The following GPC5 variants were observed in gnomAD, a reference collection of about 807,000 sequenced individuals.
The protein encoded by GPC5 is glypican-5.
Under a neutral mutation model 53.9 loss-of-function variants are expected in GPC5, and 47 were observed. The ratio of observed to expected loss-of-function variants is 0.87; its 90% CI spans 0.69 to 1.11. GPC5 has a LOEUF of 1.11. Among genes scored for constraint, GPC5 ranks in the 50% most tolerant of loss-of-function variants. The probability of loss-of-function intolerance (pLI) is 0.00; values close to 1 mark genes in which losing one functional copy is unlikely to be tolerated. For missense variants in GPC5, 748 were observed against 713.1 expected (o/e 1.05, Z -0.56); for synonymous variants, 286 against 263.3 (o/e 1.09, Z -0.84).
chr13:92,175,005 A>C (rs1166850366), intron 7 of GPC5, among the ~76,000 whole-genome samples: 2 of 151,950 alleles, frequency 1.3e-5, no homozygotes, highest in East Asian at 3.9e-4. Flanking sequence ...ATGCGCCACC[A>C]CGTCCTGCTA....
intron 2 of GPC5, among the ~76,000 whole-genome samples, chr13:91,540,669 G>A (rs1052276196): frequency 3.3e-5 from 5 of 152,148 alleles, no homozygotes; most frequent in Non-Finnish European, 7.4e-5. Flanking sequence ...GTAAATAGAT[G>A]GACTTGGAAG....
intron 7 of GPC5, among the ~76,000 whole-genome samples, chr13:92,752,512 C>G (rs568844780): frequency 2.6e-5 from 4 of 152,102 alleles, no homozygotes; most frequent in Admixed American, 2.6e-4. Context: ...GGAATAGCTC[C>G]GGTCTACAGC....
intron 2 of GPC5, among the ~76,000 whole-genome samples, chr13:91,651,100 TA>T (rs2034698233): frequency 6.6e-6 from 1 of 152,134 alleles, no homozygotes; most frequent in South Asian, 2.1e-4. Context: ...ATAAAGGTTA[TA>T]AAAAGAGTTT....
intron 6 of GPC5, among the ~76,000 whole-genome samples, chr13:92,120,068 A>G (rs2041636179): frequency 6.6e-6 from 1 of 152,196 alleles, no homozygotes; most frequent in Non-Finnish European, 1.5e-5. Flanking sequence ...ATCAGACAGT[A>G]AATGCAGGTG....
At chr13:92,401,097 A>G (rs1875535382) in intron 7 of GPC5, among the ~76,000 whole-genome samples, 1 of 152,136 alleles carries the variant, frequency 6.6e-6, no homozygotes, top group African/African-American at 2.4e-5. Context: ...AGACCTGTAC[A>G]GTAGACTGTT....
At chr13:91,985,704 T>C (rs561564384) in intron 6 of GPC5, among the ~76,000 whole-genome samples, 6 of 152,168 alleles carry the variant, frequency 3.9e-5, no homozygotes, top group Non-Finnish European at 8.8e-5. Context: ...CCAAGAAACT[T>C]TCTACTACTT....
chr13:92,551,588 C>T (rs1287578079), intron 7 of GPC5, among the ~76,000 whole-genome samples: 1 of 151,768 alleles, frequency 6.6e-6, no homozygotes, highest in Non-Finnish European at 1.5e-5. Context: ...AAGAAGAAAG[C>T]AACCTGTTTT....
chr13:92,009,282 G>GTGTGTT (rs1347971975), intron 6 of GPC5, among the ~76,000 whole-genome samples: 2 of 150,306 alleles, frequency 1.3e-5, no homozygotes, highest in Non-Finnish European at 3.0e-5. Flanking sequence ...GTGTGTGTGT[G>GTGTGTT]TGTTTCAATA....
chr13:91,886,583 G>T (rs2039324815), intron 5 of GPC5, among the ~76,000 whole-genome samples: 1 of 152,202 alleles, frequency 6.6e-6, no homozygotes, highest in Non-Finnish European at 1.5e-5. Context: ...AAAACTGAAA[G>T]CAAGTTAGTT....
intron 7 of GPC5, among the ~76,000 whole-genome samples, chr13:92,637,349 G>A (rs973003101): frequency 6.6e-6 from 1 of 152,132 alleles, no homozygotes; most frequent in African/African-American, 2.4e-5. Flanking sequence ...TTCAGGGGAT[G>A]TACAGATTTA....
chr13:91,478,822 T>TACACACACAC (rs1194096313), intron 2 of GPC5, among the ~76,000 whole-genome samples: 2 of 92,176 alleles, frequency 2.2e-5, no homozygotes, highest in African/African-American at 1.0e-4. Context: ...TATATATATA[T>TACACACACAC]ACACACACAC....
chr13:91,783,256 A>G (rs896062160), intron 5 of GPC5, among the ~76,000 whole-genome samples: 1 of 151,730 alleles, frequency 6.6e-6, no homozygotes, highest in Non-Finnish European at 1.5e-5. Flanking sequence ...CTCCATCTCA[A>G]TAAATAAATA....
At chr13:92,007,794 CT>C (rs1230448847) in intron 6 of GPC5, among the ~76,000 whole-genome samples, 1 of 151,940 alleles carries the variant, frequency 6.6e-6, no homozygotes, top group Non-Finnish European at 1.5e-5. Flanking sequence ...TTTATTTTTA[CT>C]CTTTGTTTAT....
Position 92,831,604 on chromosome 13 carries a change from CTT to C in GPC5, c.1562-34676_1562-34675del, listed in dbSNP as rs1320703447. On this transcript the variant is annotated intron_variant, in intron 7 of 7. Coordinates refer to ENST00000377067, the MANE Select transcript of GPC5 (RefSeq NM_004466.6). Reference sequence around the variant, plus strand: ...GACAAAGACTTTAATAGTCTTGACTCTTTGAGTTGCAAGAAACAAAAAGCATT... The same window carrying C: ...GACAAAGACTTTAATAGTCTTGACTCTGAGTTGCAAGAAACAAAAAGCATT... 2.6e-5 allele frequency among the ~76,000 whole-genome samples: 4 copies of C among 152,246 alleles called. No homozygotes were observed. The East Asian group carries it at 7.8e-4, about 30-fold the overall frequency.
chr13:92,505,280 G>T (rs1275574464), intron 7 of GPC5, among the ~76,000 whole-genome samples: 1 of 151,864 alleles, frequency 6.6e-6, no homozygotes, highest in African/African-American at 2.4e-5. Flanking sequence ...GTAGCAGTAA[G>T]AATCAAATTT....
At chr13:92,754,243 A>C (rs566919593) in intron 7 of GPC5, among the ~76,000 whole-genome samples, 2 of 152,286 alleles carry the variant, frequency 1.3e-5, no homozygotes, top group East Asian at 3.9e-4. Context: ...TTCATAAGTG[A>C]AGGAGAAATA....
At chr13:92,680,850 T>G (rs1405874498) in intron 7 of GPC5, among the ~76,000 whole-genome samples, 3 of 152,178 alleles carry the variant, frequency 2.0e-5, no homozygotes, top group African/African-American at 7.2e-5. Flanking sequence ...GCCGGTGAAT[T>G]TCAGCTCTCA....
At chr13:92,257,295 T>G (rs933786847) in intron 7 of GPC5, among the ~76,000 whole-genome samples, 3 of 152,098 alleles carry the variant, frequency 2.0e-5, no homozygotes, top group Non-Finnish European at 4.4e-5. Context: ...AATAGATTCC[T>G]TAAGTGGTGT....
intron 5 of GPC5, among the ~76,000 whole-genome samples, chr13:91,897,459 GT>G (rs1236875249): frequency 6.6e-6 from 1 of 151,816 alleles, no homozygotes; most frequent in Non-Finnish European, 1.5e-5. Context: ...TAAGTAATTT[GT>G]TTGGTAAAGT....
Sources: allele counts gnomAD v4.1 joint callset (sites outside exome capture counted in the v4.1 genomes callset), GRCh38; gene constraint gnomAD v4.1.1; transcripts MANE v1.5; gene names NCBI Gene and HGNC (gene_info 2026-07-23, HGNC 2026-07-21).